Variants in ZNF385D observed in about 807,000 individuals in gnomAD.
ZNF385D encodes zinc finger protein 385D.
Under a neutral mutation model 35.8 loss-of-function variants are expected in ZNF385D, and 15 were observed. The ratio of observed to expected loss-of-function variants is 0.42; its 90% CI spans 0.28 to 0.64. The LOEUF (loss-of-function observed/expected upper bound fraction) is 0.64, where lower values mean the gene tolerates loss of function less well. Ranked by LOEUF, ZNF385D falls within the 30% of genes least tolerant of loss-of-function variation. ZNF385D has a pLI of 0.23. For synonymous variants in ZNF385D, 212 were observed against 186.8 expected, an observed-to-expected ratio of 1.13 and a Z score of -1.10; for missense variants, 474 against 494.6, an observed-to-expected ratio of 0.96 and a Z score of 0.39.
chr3:21,695,757 T>TTA (rs140836853), intron 1 of ZNF385D, among the ~76,000 whole-genome samples: 21,481 of 149,532 alleles, frequency 0.14, 1,736 homozygotes, highest in East Asian at 0.23. Flanking sequence ...TAAATATATA[T>TTA]TATATATATA....
chr3:21,956,597 C>T (rs1020933386), intron 3 of ZNF385D, among the ~76,000 whole-genome samples: 7 of 151,928 alleles, frequency 4.6e-5, no homozygotes, highest in Admixed American at 2.0e-4. Flanking sequence ...TTAAAACAAT[C>T]TATATGTCAG....
At chr3:21,697,206 C>T (rs913264206) in intron 1 of ZNF385D, among the ~76,000 whole-genome samples, 1 of 151,874 alleles carries the variant, frequency 6.6e-6, no homozygotes, top group South Asian at 2.1e-4. Flanking sequence ...TCCTATTCAT[C>T]GAAAAAAGAT....
chr3:22,174,618 C>T (rs1295226224), intron 2 of ZNF385D, among the ~76,000 whole-genome samples: 2 of 151,946 alleles, frequency 1.3e-5, no homozygotes, highest in East Asian at 3.9e-4. Flanking sequence ...TGGTAGAGAC[C>T]AAGGCTAAAC....
At chr3:21,681,323 A>AC in intron 1 of ZNF385D, among the ~76,000 whole-genome samples, 1 of 149,880 alleles carries the variant, frequency 6.7e-6, no homozygotes, top group South Asian at 2.1e-4. Flanking sequence ...AAAAAAAAAA[A>AC]ACCTACATTT....
chr3:21,652,206 CT>C (rs2065936239), intron 2 of ZNF385D, among the ~76,000 whole-genome samples: 2 of 152,170 alleles, frequency 1.3e-5, no homozygotes, highest in Admixed American at 6.5e-5. Context: ...TTTTCAGTCA[CT>C]TCTACATAGT....
intron 3 of ZNF385D, among the ~76,000 whole-genome samples, chr3:21,939,105 G>A (rs1167648525): frequency 6.6e-6 from 1 of 152,170 alleles, no homozygotes; most frequent in Admixed American, 6.5e-5. Context: ...TGTCGGTAAA[G>A]ACAAAGACAA....
At chr3:21,975,040 C>T (rs979421889) in intron 3 of ZNF385D, among the ~76,000 whole-genome samples, 1 of 152,066 alleles carries the variant, frequency 6.6e-6, no homozygotes, top group Non-Finnish European at 1.5e-5. Context: ...ATAGAACTGC[C>T]ATACAATTCA....
rs75415798 is a variant in ZNF385D, at chr3:21,586,266, G to A, written c.166-21582C>T. 9.0e-3 allele frequency among the ~76,000 whole-genome samples: 1,368 copies of A among 152,160 alleles called. 11 individuals carry two copies. The highest frequency in any genetic ancestry group is 0.015 in the Non-Finnish European group (990 of 68,010). On this transcript the variant is annotated intron_variant, in intron 2 of 7. Transcript: ENST00000281523. ...ATATTGAGGTGGGTAGGCCTGTATT[G>A]GCCTTCCAGAATAGTGCATCCATTA...
chr3:22,236,115 A>T (rs965705234), intron 2 of ZNF385D, among the ~76,000 whole-genome samples: 6 of 152,136 alleles, frequency 3.9e-5, no homozygotes, highest in African/African-American at 1.2e-4. Flanking sequence ...TAATAATACA[A>T]ATTTTTAAAT....
chr3:22,303,934 C>A (rs929143767), intron 2 of ZNF385D, among the ~76,000 whole-genome samples: 1 of 152,062 alleles, frequency 6.6e-6, no homozygotes, highest in African/African-American at 2.4e-5. Context: ...TGTGCCACCA[C>A]GCCCGGCTAA....
intron 3 of ZNF385D, among the ~76,000 whole-genome samples, chr3:22,159,268 CT>C (rs1245149103): frequency 1.3e-5 from 2 of 152,190 alleles, no homozygotes; most frequent in Admixed American, 6.5e-5. Context: ...AAAATCTCCT[CT>C]ATCTCAAATA....
intron 2 of ZNF385D, among the ~76,000 whole-genome samples, chr3:21,612,039 T>C (rs535775779): frequency 6.6e-6 from 1 of 152,292 alleles, no homozygotes; most frequent in African/African-American, 2.4e-5. Flanking sequence ...TTCACAAATG[T>C]TATACCATTT....
At chr3:22,227,151 C>CATATATATGTGTGT (rs1387110209) in intron 2 of ZNF385D, among the ~76,000 whole-genome samples, 1 of 151,260 alleles carries the variant, frequency 6.6e-6, no homozygotes, top group Non-Finnish European at 1.5e-5. Flanking sequence ...ATATTTTGAT[C>CATATATATGTGTGT]ATATATATGT....
chr3:21,549,006 A>T (rs984350769), intron 3 of ZNF385D, among the ~76,000 whole-genome samples: 1 of 152,232 alleles, frequency 6.6e-6, no homozygotes, highest in Non-Finnish European at 1.5e-5. Flanking sequence ...ATAATACTCT[A>T]TAGAAATGTA....
At chr3:22,049,345 C>A (rs141784889) in intron 3 of ZNF385D, among the ~76,000 whole-genome samples, 1 of 104,394 alleles carries the variant, frequency 9.6e-6, no homozygotes, top group Non-Finnish European at 2.3e-5. Flanking sequence ...ATAAAAAATG[C>A]GGTTAATTTT....
chr3:21,885,219 T>G (rs769228718), intron 3 of ZNF385D, among the ~76,000 whole-genome samples: 32 of 152,078 alleles, frequency 2.1e-4, no homozygotes, highest in Admixed American at 1.4e-3. Context: ...TCTAAAATTA[T>G]TATCCAATTC....
chr3:21,459,569 T>C (rs1365358377), intron 4 of ZNF385D: 1 of 152,126 alleles, frequency 6.6e-6, no homozygotes, highest in African/African-American at 2.4e-5. Context: ...GTGGACAATA[T>C]TGTGAAATCA....
chr3:21,933,111 C>T (rs1480908552), intron 3 of ZNF385D, among the ~76,000 whole-genome samples: 1 of 152,170 alleles, frequency 6.6e-6, no homozygotes, highest in Non-Finnish European at 1.5e-5. Flanking sequence ...TGGTGATGTT[C>T]TCCAGGACTT....
chr3:21,988,553 G>A (rs1694952062), intron 3 of ZNF385D, among the ~76,000 whole-genome samples: 1 of 149,790 alleles, frequency 6.7e-6, no homozygotes, highest in Admixed American at 6.6e-5. Context: ...CATGCTGGGA[G>A]AACCACTGCT....
Sources: gnomAD v4.1 joint callset for allele counts (sites outside exome capture counted in the v4.1 genomes callset) on GRCh38, gnomAD v4.1.1 for gene constraint, MANE v1.5 for transcripts, NCBI Gene and HGNC (gene_info 2026-07-23, HGNC 2026-07-21) for gene names.